CNTNAP2: variants seen among roughly 807,000 people sequenced by gnomAD.
CNTNAP2 encodes contactin associated protein 2.
Under a neutral mutation model 155.2 loss-of-function variants are expected in CNTNAP2, and 98 were observed. The observed-to-expected ratio is 0.63, with a 90% confidence interval of 0.54 to 0.75. The LOEUF (loss-of-function observed/expected upper bound fraction) is 0.75. CNTNAP2 is among the 30% of genes least tolerant of loss of function. The pLI is 0.00. For synonymous variants in CNTNAP2, 651 were observed against 631.2 expected (o/e 1.03, Z -0.47); for missense variants, 1,727 against 1,688.1 (o/e 1.02, Z -0.40).
At chr7:146,229,923 T>C (rs190200053) in intron 1 of CNTNAP2, among the ~76,000 whole-genome samples, 27 of 152,278 alleles carry the variant, frequency 1.8e-4, no homozygotes, top group Non-Finnish European at 3.2e-4. Flanking sequence ...CTGTTTTGAA[T>C]ATGGTTTACT....
intron 8 of CNTNAP2, among the ~76,000 whole-genome samples, chr7:147,167,985 T>C (rs931731315): frequency 8.0e-5 from 12 of 149,600 alleles, no homozygotes; most frequent in African/African-American, 2.7e-4. Flanking sequence ...GTATATAGTA[T>C]ATGTATAAAT....
At chr7:146,954,713 GA>G (rs1035277142) in intron 3 of CNTNAP2, among the ~76,000 whole-genome samples, 14 of 151,568 alleles carry the variant, frequency 9.2e-5, no homozygotes, top group African/African-American at 3.1e-4. Flanking sequence ...TTGCTCACAA[GA>G]AAAAAATTTC....
chr7:147,472,204 C>CTTTTTTTTTTT (rs542047274), intron 10 of CNTNAP2, among the ~76,000 whole-genome samples: 6 of 81,072 alleles, frequency 7.4e-5, no homozygotes, highest in African/African-American at 2.6e-4. Context: ...TCTTTTTTTC[C>CTTTTTTTTTTT]TTTTTTTTTT....
At chr7:147,585,616 G>A (rs539245277) in intron 12 of CNTNAP2, among the ~76,000 whole-genome samples, 1 of 85,136 alleles carries the variant, frequency 1.2e-5, no homozygotes, top group East Asian at 3.7e-4. Context: ...GTAGGCAAAG[G>A]TAATTTTGAG....
intron 12 of CNTNAP2, among the ~76,000 whole-genome samples, chr7:147,631,637 A>T (rs1387339268): frequency 6.6e-6 from 1 of 152,222 alleles, no homozygotes; most frequent in African/African-American, 2.4e-5. Flanking sequence ...ATAGGCAAGT[A>T]GACCAATGGA....
intron 15 of CNTNAP2, among the ~76,000 whole-genome samples, chr7:148,054,314 T>C (rs778947546): frequency 1.3e-5 from 2 of 152,128 alleles, no homozygotes. Flanking sequence ...ACAATTTCTC[T>C]AGGCAGAGCT....
At chr7:148,181,257 G>A (rs1022372130) in intron 18 of CNTNAP2, among the ~76,000 whole-genome samples, 5 of 152,164 alleles carry the variant, frequency 3.3e-5, no homozygotes, top group Non-Finnish European at 5.9e-5. Context: ...ATCCCCTCTC[G>A]TATGTCTATA....
At chr7:148,076,547 T>A (rs1387429757) in intron 15 of CNTNAP2, among the ~76,000 whole-genome samples, 1 of 146,588 alleles carries the variant, frequency 6.8e-6, no homozygotes, top group African/African-American at 2.5e-5. Context: ...GCCATTCTCC[T>A]GCCTCAGCCT....
intron 15 of CNTNAP2, among the ~76,000 whole-genome samples, chr7:148,114,687 T>G (rs1056674055): frequency 1.3e-5 from 2 of 152,214 alleles, no homozygotes; most frequent in Non-Finnish European, 2.9e-5. Flanking sequence ...GCATCCATGA[T>G]TTATTATTTG....
chr7:148,227,849 G>A (rs1795881072), intron 19 of CNTNAP2, among the ~76,000 whole-genome samples: 1 of 151,448 alleles, frequency 6.6e-6, no homozygotes, highest in Non-Finnish European at 1.5e-5. Context: ...CATGGCAAGT[G>A]TAATGTTAGG....
intron 1 of CNTNAP2, among the ~76,000 whole-genome samples, chr7:146,249,406 G>A (rs557592998): frequency 1.3e-5 from 2 of 151,994 alleles, no homozygotes; most frequent in Admixed American, 6.6e-5. Flanking sequence ...ATGAGGAAAC[G>A]TATTTCCTCT....
intron 21 of CNTNAP2, among the ~76,000 whole-genome samples, chr7:148,327,587 T>A (rs1371961246): frequency 1.3e-5 from 2 of 152,268 alleles, no homozygotes; most frequent in African/African-American, 4.8e-5. Flanking sequence ...GACAAAGACA[T>A]ATTACCCAAC....
At chr7:148,125,824 C>A (rs772922143) in intron 16 of CNTNAP2, among the ~76,000 whole-genome samples, 3 of 151,842 alleles carry the variant, frequency 2.0e-5, no homozygotes, top group African/African-American at 4.8e-5. Context: ...GCCTCAGCCT[C>A]CCAAGTAGCT....
At chr7:147,518,030 C>G (rs1341507166) in intron 11 of CNTNAP2, among the ~76,000 whole-genome samples, 1 of 152,104 alleles carries the variant, frequency 6.6e-6, no homozygotes, top group Non-Finnish European at 1.5e-5. Context: ...CTCCTGGGCT[C>G]GAGTGATCCT....
intron 8 of CNTNAP2, among the ~76,000 whole-genome samples, chr7:147,221,499 TG>T (rs1803398135): frequency 6.6e-6 from 1 of 152,150 alleles, no homozygotes; most frequent in Non-Finnish European, 1.5e-5. Flanking sequence ...ATGCTTCTGC[TG>T]TCTCAGGTGC....
chr7:147,736,686 C>T (rs1796852176), intron 13 of CNTNAP2, among the ~76,000 whole-genome samples: 1 of 152,198 alleles, frequency 6.6e-6, no homozygotes, highest in African/African-American at 2.4e-5. Context: ...GGTCTTTTCA[C>T]ATAGTGCCAT....
intron 12 of CNTNAP2, among the ~76,000 whole-genome samples, chr7:147,604,095 GT>G (rs1330554534): frequency 2.0e-5 from 3 of 152,126 alleles, no homozygotes; most frequent in African/African-American, 7.2e-5. Flanking sequence ...AGACTTAAAC[GT>G]TAGACCTAAA....
rs140200896 is a variant in CNTNAP2 at position 148,003,552 on chromosome 7, T to A, written c.2383+25563T>A. On this transcript the variant is annotated intron_variant, in intron 15 of 23. Transcript: ENST00000361727. ...TTGGAGAAGGGGTTACCATTGAGAA[T>A]CGGAGAGGGCACCAGAGGTCAAGAC... Among the ~76,000 whole-genome samples the A allele has an allele frequency of 5.1e-3, 770 of 152,282 alleles. 8 individuals carry two copies. Among genetic ancestry groups the A allele is most frequent in the African/African-American group, 0.017 (700 of 41,554 alleles).
intron 20 of CNTNAP2, among the ~76,000 whole-genome samples, chr7:148,262,779 A>G (rs1466445342): frequency 1.3e-5 from 2 of 152,098 alleles, no homozygotes; most frequent in South Asian, 2.1e-4. Context: ...TATCTTTGGG[A>G]GGCATGATTC....
Sources: gnomAD v4.1 joint callset for allele counts (sites outside exome capture counted in the v4.1 genomes callset) on GRCh38, gnomAD v4.1.1 for gene constraint, MANE v1.5 for transcripts, NCBI Gene and HGNC (gene_info 2026-07-23, HGNC 2026-07-21) for gene names.